Variants in GRK3 observed in about 807,000 individuals in gnomAD.
GRK3 encodes G protein-coupled receptor kinase 3.
A neutral mutation model predicts 95.7 loss-of-function variants in GRK3; 54 were observed. The observed-to-expected ratio is 0.56, with a 90% CI of 0.45 to 0.71. The LOEUF is 0.71. Ranked by LOEUF, GRK3 falls within the 30% of genes least tolerant of loss-of-function variation. The pLI, the probability that GRK3 is intolerant of heterozygous loss-of-function variation, is 0.00. For missense variants in GRK3, 649 were observed against 851.2 expected (o/e 0.76, Z 2.96); for synonymous variants, 281 against 290.8 (o/e 0.97, Z 0.34).
At chr22:25,587,253 C>A (rs1450459617) in intron 1 of GRK3, among the ~76,000 whole-genome samples, 1 of 152,084 alleles carries the variant, frequency 6.6e-6, no homozygotes, top group Non-Finnish European at 1.5e-5. Context: ...AAAAATTACT[C>A]TTGGAAACAA....
At chr22:25,630,884 T>C (rs377160129) in intron 2 of GRK3, among the ~76,000 whole-genome samples, 2 of 152,342 alleles carry the variant, frequency 1.3e-5, no homozygotes, top group East Asian at 1.9e-4. Context: ...TCCAACTGTT[T>C]ACAATATTCC....
chr22:25,677,444 A>G (rs1402051191), intron 8 of GRK3, among the ~76,000 whole-genome samples: 4 of 151,572 alleles, frequency 2.6e-5, no homozygotes, highest in Non-Finnish European at 5.9e-5. Context: ...CACATGGAAG[A>G]GAGTGGTGAT....
At chr22:25,604,871 CTG>C (rs1262876680) in intron 2 of GRK3, among the ~76,000 whole-genome samples, 9 of 146,480 alleles carry the variant, frequency 6.1e-5, no homozygotes, top group Non-Finnish European at 1.3e-4. Flanking sequence ...AATTTGTGCT[CTG>C]TTTCCATGAT....
chr22:25,608,698 A>G (rs1174893607), intron 2 of GRK3, among the ~76,000 whole-genome samples: 2 of 152,208 alleles, frequency 1.3e-5, no homozygotes, highest in Admixed American at 6.5e-5. Context: ...TTCCATCCAT[A>G]ACTGGAATGG....
At chr22:25,696,110 C>T (rs957155866) in intron 13 of GRK3, among the ~76,000 whole-genome samples, 1 of 151,882 alleles carries the variant, frequency 6.6e-6, no homozygotes, top group Non-Finnish European at 1.5e-5. Flanking sequence ...GCTGGGATTA[C>T]AGGTATGAGC....
At chr22:25,679,520 A>T (rs1307859309) in intron 9 of GRK3, among the ~76,000 whole-genome samples, 1 of 152,178 alleles carries the variant, frequency 6.6e-6, no homozygotes, top group Non-Finnish European at 1.5e-5. Flanking sequence ...TTTACCCTAC[A>T]TCTTCTTTAC....
At chr22:25,577,483 AT>A (rs1213428682) in intron 1 of GRK3, among the ~76,000 whole-genome samples, 2 of 152,224 alleles carry the variant, frequency 1.3e-5, no homozygotes, top group African/African-American at 4.8e-5. Context: ...CCCGTAAAGG[AT>A]TTTTAATGTT....
At chr22:25,670,774 G>T (rs2084974364) in intron 6 of GRK3, among the ~76,000 whole-genome samples, 1 of 151,296 alleles carries the variant, frequency 6.6e-6, no homozygotes, top group East Asian at 2.0e-4. Flanking sequence ...CAAACACCTG[G>T]CCGGGAGGGT....
intron 15 of GRK3, among the ~76,000 whole-genome samples, chr22:25,704,585 A>G (rs2085285344): frequency 2.0e-5 from 3 of 152,052 alleles, no homozygotes; most frequent in Admixed American, 2.0e-4. Flanking sequence ...TAATTTTTGC[A>G]TTTTTAGTAG....
chr22:25,701,266 C>T (rs1384420070), intron 13 of GRK3, among the ~76,000 whole-genome samples: 4 of 152,334 alleles, frequency 2.6e-5, no homozygotes, highest in East Asian at 1.9e-4. Context: ...GTGCACACCA[C>T]GTGCCTCACT....
At chr22:25,683,304 T>C (rs925140576) in intron 9 of GRK3, among the ~76,000 whole-genome samples, 2 of 152,230 alleles carry the variant, frequency 1.3e-5, no homozygotes, top group Admixed American at 6.5e-5. Flanking sequence ...TCCTGGCTTG[T>C]GCTATTTTGA....
chr22:25,669,441 A>G lies in GRK3; in HGVS notation c.503+1641A>G, dbSNP rs147405376. Among the ~76,000 whole-genome samples the G allele has an allele frequency of 2.0e-4, 30 of 152,362 alleles. No homozygotes were observed. In the East Asian group the frequency reaches 5.8e-3, roughly 29 times the overall value. On this transcript the variant is annotated intron_variant, in intron 6 of 20. Coordinates refer to ENST00000324198, the MANE Select transcript of GRK3 (RefSeq NM_005160.4). ...TGCTCAGCAGGACAACGACTGAGTCAGGAATCAGAGTTAAAAACACTTCTC... is the reference window on the plus strand; with the variant it reads ...TGCTCAGCAGGACAACGACTGAGTCGGGAATCAGAGTTAAAAACACTTCTC...
chr22:25,639,063 G>A (rs1015796589), intron 2 of GRK3, among the ~76,000 whole-genome samples: 7 of 152,042 alleles, frequency 4.6e-5, no homozygotes, highest in African/African-American at 1.7e-4. Flanking sequence ...CTTTTAACAT[G>A]GATTTGTAAG....
rs374513431 is a variant in GRK3, at chr22:25,662,466, A to T, written c.366+789A>T. Among the ~76,000 whole-genome samples, 8 of 152,338 alleles carry T rather than the reference A, an allele frequency of 5.3e-5. 1 individual carries two copies. In the South Asian group the frequency reaches 1.7e-3, roughly 32 times the overall value. ...TTTGTATTGGATGGCACAGATACAC[A>T]ACCCTCCCATTGTCACAGCAAGTCC... On this transcript the variant is annotated intron_variant, in intron 4 of 20. Transcript: ENST00000324198.
chr22:25,675,509 T>C (rs16980542), intron 8 of GRK3, among the ~76,000 whole-genome samples: 9 of 152,050 alleles, frequency 5.9e-5, no homozygotes, highest in Non-Finnish European at 1.3e-4. Context: ...AAGCAAAAGA[T>C]AGTGGAAAAA....
intron 2 of GRK3, among the ~76,000 whole-genome samples, chr22:25,604,951 T>C (rs1378700477): frequency 6.6e-6 from 1 of 152,214 alleles, no homozygotes; most frequent in Non-Finnish European, 1.5e-5. Context: ...GGCTTGCCCT[T>C]TTGTTTGCTG....
chr22:25,623,534 T>C (rs1385078569), intron 2 of GRK3, among the ~76,000 whole-genome samples: 1 of 152,254 alleles, frequency 6.6e-6, no homozygotes, highest in African/African-American at 2.4e-5. Context: ...TGATTGTTTC[T>C]AGTGTAATGT....
intron 3 of GRK3, among the ~76,000 whole-genome samples, chr22:25,660,585 A>G (rs1006022400): frequency 3.9e-5 from 6 of 152,098 alleles, no homozygotes; most frequent in African/African-American, 1.4e-4. Flanking sequence ...CTGTGCCCTT[A>G]TCTTTATTAG....
At chr22:25,584,967 G>A (rs184915562) in intron 1 of GRK3, among the ~76,000 whole-genome samples, 118 of 152,336 alleles carry the variant, frequency 7.7e-4, no homozygotes, top group Middle Eastern at 3.4e-3. Flanking sequence ...GACTCTCCCT[G>A]GAGAGGCCCA....
Sources: gnomAD v4.1 joint callset for allele counts (sites outside exome capture counted in the v4.1 genomes callset) on GRCh38, gnomAD v4.1.1 for gene constraint, MANE v1.5 for transcripts, NCBI Gene and HGNC (gene_info 2026-07-23, HGNC 2026-07-21) for gene names.